The following PVT1 variants were observed in gnomAD, a reference collection of about 807,000 sequenced individuals.
PVT1 encodes CXCR4/PVT1 fusion.
chr8:127,818,570 G>T (rs192245380), intron 2 of PVT1, among the ~76,000 whole-genome samples: 52 of 152,192 alleles, frequency 3.4e-4, no homozygotes, highest in Non-Finnish European at 7.4e-5. Context: ...TCAGATATTC[G>T]GTGAGAGACC....
chr8:127,844,418 CT>C (rs1214433512), intron 2 of PVT1, among the ~76,000 whole-genome samples: 1 of 152,154 alleles, frequency 6.6e-6, no homozygotes, highest in Non-Finnish European at 1.5e-5. Flanking sequence ...GTTTGTTGTC[CT>C]TCTGTCCCTT....
At chr8:127,811,178 T>G (rs551715135) in intron 2 of PVT1, among the ~76,000 whole-genome samples, 2 of 152,296 alleles carry the variant, frequency 1.3e-5, no homozygotes, top group South Asian at 4.1e-4. Flanking sequence ...AGCTCCCTCC[T>G]CCCCTGGTCC....
intron 2 of PVT1, among the ~76,000 whole-genome samples, chr8:127,822,494 T>C (rs930422792): frequency 1.3e-5 from 2 of 152,122 alleles, no homozygotes; most frequent in African/African-American, 2.4e-5. Context: ...CAAGAATTGC[T>C]TGAACCTGGG....
Position 128,054,386 on chromosome 8 carries a change from A to G in PVT1, n.913-15774A>G, listed in dbSNP as rs11991166. Reference sequence around the variant, plus strand: ...AAGATGAAGTTGAAGAGAAGTATGGAAAGAACTTGACAGTTCTTTGCAGAA... The same window carrying G: ...AAGATGAAGTTGAAGAGAAGTATGGGAAGAACTTGACAGTTCTTTGCAGAA... On this transcript the variant is annotated intron_variant and non_coding_transcript_variant, in intron 4 of 10. Transcript: ENST00000651587. 3.1e-3 allele frequency among the ~76,000 whole-genome samples: 476 copies of G among 152,308 alleles called. 4 individuals are homozygous for G. Among genetic ancestry groups the G allele is most frequent in the African/African-American group, 0.011 (467 of 41,582 alleles).
At chr8:127,881,054 C>T (rs889497525) in intron 2 of PVT1, among the ~76,000 whole-genome samples, 3 of 152,220 alleles carry the variant, frequency 2.0e-5, no homozygotes, top group African/African-American at 7.2e-5. Flanking sequence ...CTGCATCATG[C>T]CCATGAAGGT....
intron 4 of PVT1, among the ~76,000 whole-genome samples, chr8:128,021,402 T>G (rs540119094): frequency 6.7e-6 from 1 of 149,412 alleles, no homozygotes; most frequent in Non-Finnish European, 1.5e-5. Flanking sequence ...CACGCCATTC[T>G]CCTGCCTCAG....
intron 3 of PVT1, chr8:127,947,808 C>A (rs1297964086): frequency 2.2e-6 from 1 of 456,376 alleles, no homozygotes; most frequent in Non-Finnish European, 4.4e-6. Flanking sequence ...TACTATGAAA[C>A]AGGAATACAA....
chr8:127,973,496 G>A (rs890313314), intron 3 of PVT1, among the ~76,000 whole-genome samples: 1 of 152,168 alleles, frequency 6.6e-6, no homozygotes, highest in Middle Eastern at 3.4e-3. Flanking sequence ...CTAGACTTAG[G>A]TCCCCTGTGA....
chr8:127,977,426 AG>A (rs1032868322), intron 3 of PVT1, among the ~76,000 whole-genome samples: 1 of 152,164 alleles, frequency 6.6e-6, no homozygotes, highest in Admixed American at 6.5e-5. Context: ...GACAGTTCAA[AG>A]GTTGGATTAT....
chr8:128,087,378 T>C lies in PVT1; in HGVS notation n.1115-9140T>C, dbSNP rs896805131. On this transcript the variant is annotated intron_variant and non_coding_transcript_variant, in intron 5 of 10. Coordinates refer to ENST00000651587, the Ensembl canonical transcript of PVT1. ...CCACTCATTTGTGCCTAGGTGACATTATCCTAGTTTGCCGGAAAATGATGC... is the reference window on the plus strand; with the variant it reads ...CCACTCATTTGTGCCTAGGTGACATCATCCTAGTTTGCCGGAAAATGATGC... 6.6e-5 allele frequency among the ~76,000 whole-genome samples: 10 copies of C among 152,228 alleles called. 1 individual carries two copies. Among genetic ancestry groups the C allele is most frequent in the African/African-American group, 2.4e-4 (10 of 41,476 alleles).
intron 4 of PVT1, among the ~76,000 whole-genome samples, chr8:128,040,790 GTGTT>G (rs985348894): frequency 1.6e-4 from 25 of 152,076 alleles, no homozygotes; most frequent in African/African-American, 5.5e-4. Context: ...GTGTGTGCTT[GTGTT>G]TGAGTGCTTC....
At chr8:127,956,157 G>A (rs924849710) in intron 3 of PVT1, among the ~76,000 whole-genome samples, 4 of 152,352 alleles carry the variant, frequency 2.6e-5, no homozygotes, top group East Asian at 1.9e-4. Flanking sequence ...AAGCTCAAGG[G>A]GAAGAGCCTT....
chr8:128,079,026 A>ATT (rs1814136156), intron 5 of PVT1, among the ~76,000 whole-genome samples: 1 of 120,040 alleles, frequency 8.3e-6, no homozygotes, highest in African/African-American at 3.2e-5. Context: ...TTTTTTACAT[A>ATT]GTTGTTATCT....
intron 3 of PVT1, among the ~76,000 whole-genome samples, chr8:127,928,194 G>T (rs1816155196): frequency 6.6e-6 from 1 of 152,172 alleles, no homozygotes; most frequent in Admixed American, 6.5e-5. Context: ...TGATAGATAG[G>T]GTTCCTCATC....
At chr8:127,841,081 A>C (rs1213147108) in intron 2 of PVT1, among the ~76,000 whole-genome samples, 1 of 152,190 alleles carries the variant, frequency 6.6e-6, no homozygotes, top group Non-Finnish European at 1.5e-5. Context: ...GCTGTCTTTG[A>C]GTCCTCAGTC....
rs111630855 is a variant in PVT1 at position 127,876,819 on chromosome 8, G to A, written n.373-13770G>A. Among the ~76,000 whole-genome samples the A allele has an allele frequency of 1.3e-3, 202 of 152,310 alleles. 1 individual carries two copies. Among genetic ancestry groups the A allele is most frequent in the African/African-American group, 3.2e-3 (131 of 41,566 alleles). Reference sequence around the variant, plus strand: ...CTCCTGGTCATGGGCTGTTCGTGCTGTCATCGCTTTCATTTGCCCCATCCC... The same window carrying A: ...CTCCTGGTCATGGGCTGTTCGTGCTATCATCGCTTTCATTTGCCCCATCCC... On this transcript the variant is annotated intron_variant and non_coding_transcript_variant, in intron 2 of 10. Coordinates refer to ENST00000651587, the Ensembl canonical transcript of PVT1.
intron 6 of PVT1, among the ~76,000 whole-genome samples, chr8:128,098,120 C>T (rs1814451589): frequency 6.6e-6 from 1 of 152,180 alleles, no homozygotes; most frequent in Admixed American, 6.5e-5. Context: ...TACTCTCTGC[C>T]TTCCCCCCGC....
At chr8:127,877,039 C>A (rs6470587) in intron 2 of PVT1, among the ~76,000 whole-genome samples, 107,849 of 152,102 alleles carry the variant, frequency 0.71, 39,322 homozygotes, top group African/African-American at 0.89. Context: ...AAAGGTGGTG[C>A]TTATGGGATG....
intron 3 of PVT1, among the ~76,000 whole-genome samples, chr8:127,980,868 G>T (rs2129979205): frequency 6.8e-6 from 1 of 146,772 alleles, no homozygotes; most frequent in East Asian, 2.0e-4. Flanking sequence ...TGCAATCTTG[G>T]TTCACTGCAA....
Sources: allele counts gnomAD v4.1 joint callset (sites outside exome capture counted in the v4.1 genomes callset), GRCh38; gene constraint gnomAD v4.1.1; transcripts MANE v1.5; gene names NCBI Gene and HGNC (gene_info 2026-07-23, HGNC 2026-07-21).